ERBB4: variants seen among roughly 807,000 people sequenced by gnomAD.
The protein encoded by ERBB4 is receptor tyrosine-protein kinase erbB-4.
Under a neutral mutation model 158.0 loss-of-function variants are expected in ERBB4, and 42 were observed. That is an observed-to-expected ratio of 0.27 (90% CI 0.21 to 0.34). The LOEUF is 0.34. Among genes scored for constraint, ERBB4 ranks in the 10% least tolerant of loss-of-function variants. The probability of loss-of-function intolerance (pLI) is 1.00; values close to 1 mark genes in which losing one functional copy is unlikely to be tolerated. For missense variants in ERBB4, 1,333 were observed against 1,624.1 expected (o/e 0.82, Z 3.08); for synonymous variants, 583 against 558.7 (o/e 1.04, Z -0.61).
At chr2:212,226,414 G>A (rs892891557) in intron 1 of ERBB4, among the ~76,000 whole-genome samples, 6 of 151,506 alleles carry the variant, frequency 4.0e-5, no homozygotes, top group Non-Finnish European at 5.9e-5. Flanking sequence ...AAGACATGGG[G>A]GGGGGTTTGA....
intron 20 of ERBB4, among the ~76,000 whole-genome samples, chr2:211,528,498 C>T (rs2066411316): frequency 6.6e-6 from 1 of 151,998 alleles, no homozygotes; most frequent in Non-Finnish European, 1.5e-5. Context: ...CTGCTCTATA[C>T]ACCAAATGGA....
intron 3 of ERBB4, among the ~76,000 whole-genome samples, chr2:211,871,126 A>G (rs1255490782): frequency 6.6e-5 from 10 of 152,274 alleles, no homozygotes; most frequent in Non-Finnish European, 5.9e-5. Flanking sequence ...TAAACTGTGG[A>G]AAGGCAGATT....
chr2:211,983,218 C>A (rs917641000), intron 2 of ERBB4, among the ~76,000 whole-genome samples: 2 of 151,898 alleles, frequency 1.3e-5, no homozygotes, highest in African/African-American at 2.4e-5. Context: ...ATGGCAGTGG[C>A]ATGGATGGAG....
At chr2:212,015,103 T>C (rs2076494991) in intron 2 of ERBB4, among the ~76,000 whole-genome samples, 1 of 80,368 alleles carries the variant, frequency 1.2e-5, no homozygotes, top group Admixed American at 1.6e-4. Flanking sequence ...TATATATATA[T>C]ATATATATAA....
intron 2 of ERBB4, among the ~76,000 whole-genome samples, chr2:211,987,330 C>CAAAAAAAAAAAAAAAAAAA (rs564412801): frequency 4.1e-4 from 23 of 56,136 alleles, no homozygotes; most frequent in African/African-American, 6.5e-4. Context: ...CAAGAAAAGA[C>CAAAAAAAAAAAAAAAAAAA]AAAAAAAAAA....
At chr2:211,555,850 T>C (rs950857151) in intron 20 of ERBB4, among the ~76,000 whole-genome samples, 1 of 152,144 alleles carries the variant, frequency 6.6e-6, no homozygotes, top group Non-Finnish European at 1.5e-5. Flanking sequence ...GAAAGACCAT[T>C]ACCAGTCACA....
At chr2:212,329,507 G>T (rs1378914420) in intron 1 of ERBB4, among the ~76,000 whole-genome samples, 2 of 152,042 alleles carry the variant, frequency 1.3e-5, no homozygotes, top group Non-Finnish European at 2.9e-5. Context: ...GTTCCCACCT[G>T]TTGAAAATAC....
At position 211,908,135 on chromosome 2, in the gene ERBB4, G is replaced by T. The variant is rs149313335; in HGVS notation, c.421+39295C>A. ...AGAGGGGAGGCATTAGAGTTCACCA[G>T]TCTGGAAGCCAGGACCTAAGCTCTG... On this transcript the variant is annotated intron_variant, in intron 3 of 27. Transcript: ENST00000342788. Among the ~76,000 whole-genome samples the T allele has an allele frequency of 2.4e-3, 357 of 151,856 alleles. 2 individuals are homozygous for T. Among genetic ancestry groups the T allele is most frequent in the African/African-American group, 8.3e-3 (344 of 41,528 alleles).
intron 4 of ERBB4, among the ~76,000 whole-genome samples, chr2:211,785,107 T>A (rs79893473): frequency 5.6e-5 from 8 of 143,002 alleles, no homozygotes; most frequent in African/African-American, 7.8e-5. Flanking sequence ...TTTTTTTTTT[T>A]TTTTTTATTT....
At position 211,706,140 on chromosome 2, in the gene ERBB4, A is replaced by G. The variant is rs577669125; in HGVS notation, c.1125-749T>C. Among the ~76,000 whole-genome samples, 290 of 152,260 alleles carry G rather than the reference A, an allele frequency of 1.9e-3. 2 individuals are homozygous for G. The highest frequency in any genetic ancestry group is 6.2e-3 in the Admixed American group (94 of 15,284). ...TCCTAGGTAGAGACCTCATATTAAT[A>G]TATACCATTTACAGAGAGATTAAAT... On this transcript the variant is annotated intron_variant, in intron 9 of 27. Coordinates refer to ENST00000342788, the MANE Select transcript of ERBB4 (RefSeq NM_005235.3).
chr2:212,233,962 A>ATTT lies in ERBB4; in HGVS notation c.83-109062_83-109060dup, dbSNP rs199641187. On this transcript the variant is annotated intron_variant, in intron 1 of 27. Coordinates refer to ENST00000342788, the MANE Select transcript of ERBB4 (RefSeq NM_005235.3). Reference sequence around the variant, plus strand: ...GTTTTTGTATATGTCTCTTTGCATTATTTATTATTATTATTATTATTATTA... The same window carrying ATTT: ...GTTTTTGTATATGTCTCTTTGCATTATTTTTTATTATTATTATTATTATTATTA... 9.9e-3 allele frequency among the ~76,000 whole-genome samples: 1,079 copies of ATTT among 108,552 alleles called. 9 individuals are homozygous for ATTT. Among genetic ancestry groups the ATTT allele is most frequent in the African/African-American group, 0.037 (1,031 of 27,746 alleles). 71.2% of individuals were successfully genotyped at this position (108,552 alleles called of 152,430 possible). A position where few individuals can be genotyped will look rare whatever the true frequency, so the allele number is the denominator to read the frequency against.
chr2:211,761,934 G>T (rs78365955), intron 4 of ERBB4, among the ~76,000 whole-genome samples: 6 of 152,226 alleles, frequency 3.9e-5, no homozygotes, highest in African/African-American at 1.4e-4. Flanking sequence ...TTTACAATTG[G>T]TGGAACTGTG....
At chr2:211,624,892 G>T (rs1295506126) in intron 17 of ERBB4, among the ~76,000 whole-genome samples, 2 of 152,094 alleles carry the variant, frequency 1.3e-5, no homozygotes, top group African/African-American at 4.8e-5. Flanking sequence ...GAGTGGGACT[G>T]GTCAGAAGGG....
intron 1 of ERBB4, among the ~76,000 whole-genome samples, chr2:212,336,993 G>T (rs2088474576): frequency 6.6e-6 from 1 of 152,076 alleles, no homozygotes; most frequent in Admixed American, 6.6e-5. Context: ...AGATAGAAGT[G>T]CATAAAATAT....
chr2:212,538,670 C>T lies in ERBB4; in HGVS notation c.-140G>A, dbSNP rs991791580. 12 of 720,056 alleles carry T rather than the reference C, an allele frequency of 1.7e-5. No individual in the cohort carries two copies. In the African/African-American group the frequency reaches 1.9e-4, roughly 11 times the overall value. 44.6% of individuals were successfully genotyped at this position (720,056 alleles called of 1,614,324 possible). On this transcript the variant is annotated 5_prime_UTR_variant, in exon 1 of 28. Transcript: ENST00000342788. Reference sequence around the variant, plus strand: ...GGGCGCGGCGCGCGCGGTGTGGCGACTCCCAGGGCGGGCGACCGAGTCCGC... The same window carrying T: ...GGGCGCGGCGCGCGCGGTGTGGCGATTCCCAGGGCGGGCGACCGAGTCCGC...
intron 2 of ERBB4, among the ~76,000 whole-genome samples, chr2:212,016,341 T>C (rs2125318708): frequency 6.6e-6 from 1 of 151,986 alleles, no homozygotes; most frequent in East Asian, 1.9e-4. Context: ...AAATCAACTA[T>C]GAAAAAAGAC....
At chr2:212,215,869 G>A (rs2083083043) in intron 1 of ERBB4, among the ~76,000 whole-genome samples, 1 of 151,426 alleles carries the variant, frequency 6.6e-6, no homozygotes, top group South Asian at 2.1e-4. Flanking sequence ...TTGCTTTGCA[G>A]TTTTATCCTT....
intron 2 of ERBB4, among the ~76,000 whole-genome samples, chr2:211,969,946 C>T (rs1320913069): frequency 1.3e-5 from 2 of 151,880 alleles, no homozygotes; most frequent in Non-Finnish European, 2.9e-5. Flanking sequence ...GATTTCTTTG[C>T]TCTTGGTTCT....
In ERBB4 at chr2:211,513,377, CA is replaced by C. The variant is rs1167274491; in HGVS notation, c.2487+48525del. On this transcript the variant is annotated intron_variant, in intron 20 of 27. Coordinates refer to ENST00000342788, the MANE Select transcript of ERBB4 (RefSeq NM_005235.3). ...CGTCTCAAAAAAAAAAAAAAAAAAA[CA>C]AAAAAAAAACACTGATCCTAGAAGA... Among the ~76,000 whole-genome samples the C allele has an allele frequency of 2.5e-4, 14 of 55,794 alleles. No individual in the cohort carries two copies. In the South Asian group the frequency reaches 7.6e-3, roughly 30 times the overall value. The allele number at this position is 55,794 out of a possible 152,430, so 36.6% of individuals were successfully genotyped here.
Sources: allele counts gnomAD v4.1 joint callset (sites outside exome capture counted in the v4.1 genomes callset), GRCh38; gene constraint gnomAD v4.1.1; transcripts MANE v1.5; gene names NCBI Gene and HGNC (gene_info 2026-07-23, HGNC 2026-07-21).